The following VTI1A variants were observed in gnomAD, a reference collection of about 807,000 sequenced individuals.
The protein encoded by VTI1A is vesicle transport through interaction with t-SNAREs 1A, also known as vesicle transport through interaction with t-SNAREs homolog 1A.
Under a neutral mutation model 34.9 loss-of-function variants are expected in VTI1A, and 22 were observed. The ratio of observed to expected loss-of-function variants is 0.63; its 90% CI spans 0.45 to 0.90. The LOEUF (loss-of-function observed/expected upper bound fraction) is 0.90. VTI1A is among the 40% of genes least tolerant of loss of function. VTI1A has a pLI of 0.00. For synonymous variants in VTI1A, 87 were observed against 97.3 expected, an observed-to-expected ratio of 0.89 and a Z score of 0.62; for missense variants, 268 against 275.6, an observed-to-expected ratio of 0.97 and a Z score of 0.20.
intron 3 of VTI1A, among the ~76,000 whole-genome samples, chr10:112,472,406 G>C (rs1275001641): frequency 1.3e-5 from 2 of 152,112 alleles, no homozygotes; most frequent in African/African-American, 4.8e-5. Flanking sequence ...TGGTCCCTTA[G>C]GTCAGGGTTC....
intron 5 of VTI1A, among the ~76,000 whole-genome samples, chr10:112,549,980 T>C (rs1851287602): frequency 6.6e-6 from 1 of 152,176 alleles, no homozygotes; most frequent in Admixed American, 6.5e-5. Flanking sequence ...GTGAGCTCCA[T>C]GGTGGTAAGA....
intron 5 of VTI1A, among the ~76,000 whole-genome samples, chr10:112,597,475 C>T (rs372285623): frequency 1.3e-5 from 2 of 152,182 alleles, no homozygotes; most frequent in African/African-American, 4.8e-5. Context: ...GCCTCAGCCT[C>T]CCAAAGAGCT....
chr10:112,703,306 G>A (rs958668029), intron 7 of VTI1A, among the ~76,000 whole-genome samples: 8 of 152,092 alleles, frequency 5.3e-5, no homozygotes, highest in Non-Finnish European at 7.3e-5. Context: ...AGTGGCTCAC[G>A]CCTGTAACCC....
chr10:112,447,330 C>A lies in VTI1A; in HGVS notation c.-44C>A. 6.3e-7 allele frequency: 1 copy of A among 1,595,908 alleles called. No homozygotes were observed. The highest frequency in any genetic ancestry group is 8.5e-7 in the Non-Finnish European group (1 of 1,170,876). On this transcript the variant is annotated 5_prime_UTR_variant, in exon 1 of 8. Transcript: ENST00000393077. ...CCCTCGCTGCCCCTCGAGGCCCTTT[C>A]CCTGACCTAGGCTTTGGCCTGGGCT...
chr10:112,508,772 G>A (rs1849515809), intron 3 of VTI1A, among the ~76,000 whole-genome samples: 1 of 152,162 alleles, frequency 6.6e-6, no homozygotes, highest in Non-Finnish European at 1.5e-5. Context: ...TTTACTGTCT[G>A]AATTCTTCAG....
intron 5 of VTI1A, among the ~76,000 whole-genome samples, chr10:112,545,393 A>G (rs1851039521): frequency 6.6e-6 from 1 of 152,278 alleles, no homozygotes; most frequent in Non-Finnish European, 1.5e-5. Flanking sequence ...TTTTACATGA[A>G]GAATGATGAT....
At chr10:112,568,975 T>G (rs1035054934) in intron 5 of VTI1A, among the ~76,000 whole-genome samples, 9 of 152,104 alleles carry the variant, frequency 5.9e-5, no homozygotes, top group African/African-American at 1.7e-4. Flanking sequence ...GCCAACAAGG[T>G]GAAACCCTGT....
intron 7 of VTI1A, among the ~76,000 whole-genome samples, chr10:112,706,412 C>G (rs934768818): frequency 2.0e-5 from 3 of 152,148 alleles, no homozygotes; most frequent in African/African-American, 7.2e-5. Flanking sequence ...TTAAGTTAAT[C>G]AATGTGTGCT....
chr10:112,637,710 C>G (rs1023719273), intron 5 of VTI1A, among the ~76,000 whole-genome samples: 5 of 151,914 alleles, frequency 3.3e-5, no homozygotes, highest in African/African-American at 1.2e-4. Context: ...GCATTTAACT[C>G]TTAAGTAAAG....
chr10:112,508,232 T>G (rs1157377684), intron 3 of VTI1A, among the ~76,000 whole-genome samples: 1 of 152,236 alleles, frequency 6.6e-6, no homozygotes, highest in Non-Finnish European at 1.5e-5. Flanking sequence ...GAAATAGATT[T>G]TGTGCTTCTG....
At chr10:112,745,235 T>C (rs1372135840) in intron 7 of VTI1A, among the ~76,000 whole-genome samples, 1 of 152,152 alleles carries the variant, frequency 6.6e-6, no homozygotes, top group Non-Finnish European at 1.5e-5. Flanking sequence ...AAAACTTGTT[T>C]TTTTTTTAAT....
chr10:112,486,045 G>A (rs1169279516), intron 3 of VTI1A, among the ~76,000 whole-genome samples: 1 of 152,124 alleles, frequency 6.6e-6, no homozygotes, highest in Admixed American at 6.5e-5. Flanking sequence ...GTGAGCCTAA[G>A]GGAAATATTA....
At chr10:112,670,995 C>T (rs1847825642) in intron 7 of VTI1A, among the ~76,000 whole-genome samples, 1 of 152,138 alleles carries the variant, frequency 6.6e-6, no homozygotes, top group African/African-American at 2.4e-5. Context: ...TTTCTGGGGA[C>T]CAAATGCAGT....
chr10:112,521,198 A>T (rs1195361193), intron 3 of VTI1A, among the ~76,000 whole-genome samples: 3 of 152,100 alleles, frequency 2.0e-5, no homozygotes, highest in African/African-American at 7.2e-5. Context: ...GAAGAAACAG[A>T]TTGGAACTTA....
At chr10:112,479,043 T>A (rs1848377452) in intron 3 of VTI1A, among the ~76,000 whole-genome samples, 1 of 152,178 alleles carries the variant, frequency 6.6e-6, no homozygotes, top group Admixed American at 6.5e-5. Flanking sequence ...GGCACGCGCC[T>A]GTAATCCCAG....
At chr10:112,830,838 TATATATA>T in the VTI1A span, among the ~76,000 whole-genome samples, 2 of 49,620 alleles carry the variant, frequency 4.0e-5, no homozygotes, top group Non-Finnish European at 8.3e-5. Context: ...TATATATATA[TATATATA>T]TATATTTTTT....
At chr10:112,695,589 G>A (rs999442097) in intron 7 of VTI1A, among the ~76,000 whole-genome samples, 19 of 152,260 alleles carry the variant, frequency 1.2e-4, no homozygotes, top group South Asian at 6.2e-4. Context: ...CAAATATGGC[G>A]CCAGTTGATT....
At chr10:112,607,038 G>A (rs933135395) in intron 5 of VTI1A, among the ~76,000 whole-genome samples, 1 of 152,104 alleles carries the variant, frequency 6.6e-6, no homozygotes, top group Non-Finnish European at 1.5e-5. Flanking sequence ...TGTAATCCAG[G>A]CACTTTGGGA....
intron 7 of VTI1A, among the ~76,000 whole-genome samples, chr10:112,743,710 G>T (rs1850779857): frequency 6.6e-6 from 1 of 152,112 alleles, no homozygotes; most frequent in South Asian, 2.1e-4. Context: ...CCACCCCAGT[G>T]GAATAGTCAA....
Sources: gnomAD v4.1 joint callset for allele counts (sites outside exome capture counted in the v4.1 genomes callset) on GRCh38, gnomAD v4.1.1 for gene constraint, MANE v1.5 for transcripts, NCBI Gene and HGNC (gene_info 2026-07-23, HGNC 2026-07-21) for gene names.